Variants in TAF1 observed in about 807,000 individuals in gnomAD.
The protein encoded by TAF1 is TATA-box binding protein associated factor 1.
Under a neutral mutation model 138.5 loss-of-function variants are expected in TAF1, and 2 were observed. The ratio of observed to expected loss-of-function variants is 0.01; its 90% CI spans 0.01 to 0.05. The LOEUF (loss-of-function observed/expected upper bound fraction) is 0.05, where lower values mean the gene tolerates loss of function less well. TAF1 is among the 10% of genes least tolerant of loss of function. The probability of loss-of-function intolerance (pLI) is 1.00; values close to 1 mark genes in which losing one functional copy is unlikely to be tolerated. For synonymous variants in TAF1, 437 were observed against 503.2 expected (o/e 0.87, Z 1.76); for missense variants, 709 against 1,478.0 (o/e 0.48, Z 8.53).
rs1364877706 is a variant in TAF1 at position 71,471,373 on chromosome X, ATG to A, written c.1366+10571_1366+10572del. Among the ~76,000 whole-genome samples the A allele has an allele frequency of 2.8e-5, 3 of 106,266 alleles. No individual in the cohort carries two copies. In the Admixed American group the frequency reaches 3.1e-4, roughly 11 times the overall value. The allele number at this position is 106,266 out of a possible 115,157, so 92.3% of individuals were successfully genotyped here. A position where few individuals can be genotyped will look rare whatever the true frequency, so the allele number is the denominator to read the frequency against. On this transcript the variant is annotated intron_variant and NMD_transcript_variant, in intron 13 of 14. Transcript: ENST00000373775. Reference sequence around the variant, plus strand: ...CACACACACACACACACACACACACATGAATGGAACCCAGATATATATTATGC... The same window carrying A: ...CACACACACACACACACACACACACAAATGGAACCCAGATATATATTATGC...
chrX:71,383,438 G>A (rs1184503528), intron 12 of TAF1, among the ~76,000 whole-genome samples: 2 of 112,230 alleles, frequency 1.8e-5, no homozygotes, highest in East Asian at 2.8e-4. Flanking sequence ...TATAAACAGC[G>A]ACGTGGGATA....
At chrX:71,487,617 C>T (rs193142836) in intron 13 of TAF1, among the ~76,000 whole-genome samples, 3 of 112,013 alleles carry the variant, frequency 2.7e-5, no homozygotes, top group African/African-American at 9.7e-5. Flanking sequence ...GCCACCGCAC[C>T]TGGCCTCATC....
At chrX:71,370,035 G>A (rs1218182738) in intron 3 of TAF1, among the ~76,000 whole-genome samples, 1 of 110,018 alleles carries the variant, frequency 9.1e-6, no homozygotes, top group African/African-American at 3.3e-5. Flanking sequence ...GACCAGCCTA[G>A]GCAACATGGA....
chrX:71,400,716 T>G (rs983682768), intron 24 of TAF1, among the ~76,000 whole-genome samples: 3 of 112,444 alleles, frequency 2.7e-5, no homozygotes, highest in Admixed American at 1.9e-4. Flanking sequence ...GTCCACAGTG[T>G]TGTTGTATTA....
chrX:71,410,275 G>A (rs983979335), intron 28 of TAF1, among the ~76,000 whole-genome samples: 4 of 109,560 alleles, frequency 3.7e-5, no homozygotes, highest in African/African-American at 1.3e-4. Context: ...ATACAGGCCC[G>A]TAGTGTTTAA....
chrX:71,472,974 G>A (rs2038916509), intron 13 of TAF1, among the ~76,000 whole-genome samples: 1 of 111,940 alleles, frequency 8.9e-6, no homozygotes, highest in African/African-American at 3.2e-5. Context: ...GTAAACATAC[G>A]AACTTCACTA....
intron 29 of TAF1, among the ~76,000 whole-genome samples, chrX:71,422,047 T>C (rs931208441): frequency 2.7e-5 from 3 of 112,181 alleles, no homozygotes; most frequent in African/African-American, 9.7e-5. Context: ...GAATACAAAC[T>C]TTTTCCTACT....
intron 6 of TAF1, 31 bp downstream of exon 6, chrX:71,377,852 C>G (rs2033594594): frequency 8.7e-7 from 1 of 1,143,506 alleles, no homozygotes; most frequent in African/African-American, 1.8e-5. Flanking sequence ...AGATTAAGGC[C>G]TATGAGAGGA....
chrX:71,389,847 T>A, intron 18 of TAF1, 182 bp downstream of exon 18: 1 of 346,221 alleles, frequency 2.9e-6, no homozygotes. Context: ...TTTTATATGA[T>A]ATGGGTTTGT....
chrX:71,410,792 C>T (rs1397217711), intron 28 of TAF1, among the ~76,000 whole-genome samples: 2 of 107,564 alleles, frequency 1.9e-5, no homozygotes, highest in Non-Finnish European at 3.8e-5. Context: ...TTGTGATTTT[C>T]TTTTTTTGGA....
chrX:71,468,272 T>G (rs1387543596), downstream of TAF1, among the ~76,000 whole-genome samples: 1 of 107,725 alleles, frequency 9.3e-6, no homozygotes, highest in Non-Finnish European at 1.9e-5. Flanking sequence ...AAAAAAGAAT[T>G]TTCATACCCT....
chrX:71,453,696 A>G (rs909045687), intron 32 of TAF1, among the ~76,000 whole-genome samples: 1 of 110,008 alleles, frequency 9.1e-6, no homozygotes, highest in Non-Finnish European at 1.9e-5. Flanking sequence ...ATTATCAGAC[A>G]TAATTGTTTG....
chrX:71,508,086 C>CTCTCTCTCTCTCTCTCTATA (rs4040068), intron 13 of TAF1, among the ~76,000 whole-genome samples: 99 of 92,166 alleles, frequency 1.1e-3, no homozygotes, highest in Non-Finnish European at 1.5e-3. Flanking sequence ...CTCTCTCTCT[C>CTCTCTCTCTCTCTCTCTATA]TATATATATA....
At position 71,504,741 on chromosome X, in the gene TAF1, C is replaced by CAAA. The variant is rs41370846; in HGVS notation, c.1367-23771_1367-23769dup. The stretch of plus-strand genomic sequence containing the variant: ...TGGGTGACAGAATGAGACCCTGTCT[C>CAAA]AAAAAAAAAAAAAAAAAAAAAAAAA... On this transcript the variant is annotated intron_variant and NMD_transcript_variant, in intron 13 of 14. Coordinates refer to the TAF1 transcript ENST00000373775. Among the ~76,000 whole-genome samples the CAAA allele has an allele frequency of 5.8e-3, 33 of 5,704 alleles. 3 individuals carry two copies. The highest frequency in any genetic ancestry group is 0.015 in the East Asian group (3 of 206). 5.0% of individuals were successfully genotyped at this position (5,704 alleles called of 115,157 possible).
At chrX:71,377,461 G>C in intron 5 of TAF1, 142 bp from the exon 6 acceptor site, 5 of 834,173 alleles carry the variant, frequency 6.0e-6, no homozygotes, top group Non-Finnish European at 8.2e-6. Flanking sequence ...TACTTTCTTA[G>C]ACGTTACAAG....
intron 13 of TAF1, among the ~76,000 whole-genome samples, chrX:71,502,302 G>C (rs2039525865): frequency 9.0e-6 from 1 of 111,492 alleles, no homozygotes. Context: ...GCGCTGATTG[G>C]TGCGTTTTTA....
chrX:71,431,294 C>T (rs2148657139), intron 32 of TAF1, among the ~76,000 whole-genome samples: 1 of 109,707 alleles, frequency 9.1e-6, no homozygotes, highest in South Asian at 3.9e-4. Context: ...AACTCCTGAC[C>T]TCAAATGCTC....
chrX:71,393,577 C>A (rs2034685947), intron 21 of TAF1, 101 bp downstream of exon 21: 2 of 989,242 alleles, frequency 2.0e-6, no homozygotes, highest in Non-Finnish European at 2.7e-6. Context: ...GTTTGACTAC[C>A]TAGGTAGTCA....
intron 13 of TAF1, among the ~76,000 whole-genome samples, chrX:71,501,674 C>T (rs970016864): frequency 6.3e-5 from 7 of 111,494 alleles, no homozygotes; most frequent in East Asian, 2.8e-4. Flanking sequence ...ACAGGAAAAG[C>T]GGAAGCTGGT....
Sources: allele counts gnomAD v4.1 joint callset (sites outside exome capture counted in the v4.1 genomes callset), GRCh38; gene constraint gnomAD v4.1.1; transcripts MANE v1.5; gene names NCBI Gene and HGNC (gene_info 2026-07-23, HGNC 2026-07-21).